The following RELN variants were observed in gnomAD, a reference collection of about 807,000 sequenced individuals.
RELN encodes the protein reelin.
RELN carries 108 observed loss-of-function variants against 427.6 expected under a neutral mutation model. The observed-to-expected ratio is 0.25, with a 90% confidence interval of 0.22 to 0.30. The LOEUF is 0.30. RELN is among the 10% of genes least tolerant of loss of function. RELN has a pLI of 1.00. For synonymous variants in RELN, 1,524 were observed against 1,513.4 expected (o/e 1.01, Z -0.16); for missense variants, 3,715 against 4,302.8 (o/e 0.86, Z 3.82).
At position 103,980,750 on chromosome 7, in the gene RELN, T is replaced by C. The variant is rs774764950; in HGVS notation, c.226+8381A>G. On this transcript the variant is annotated intron_variant, in intron 1 of 64. Coordinates refer to ENST00000428762, the MANE Select transcript of RELN (RefSeq NM_005045.4). The stretch of plus-strand genomic sequence containing the variant: ...GCCTGGCACATATTAAGTGCTACTT[T>C]AGGGTTTGCTATTGTCACTGTCATA... Among the ~76,000 whole-genome samples the C allele has an allele frequency of 9.8e-5, 15 of 152,348 alleles. 1 individual carries two copies. Among genetic ancestry groups the C allele is most frequent in the Admixed American group, 9.8e-4 (15 of 15,302 alleles).
intron 3 of RELN, among the ~76,000 whole-genome samples, chr7:103,830,523 GT>G (rs1015401882): frequency 6.6e-5 from 10 of 150,632 alleles, no homozygotes; most frequent in African/African-American, 1.5e-4. Context: ...CAGAAGCTGT[GT>G]TTTTTTTTAG....
chr7:103,770,552 C>G (rs1791541548), intron 4 of RELN, among the ~76,000 whole-genome samples: 1 of 152,134 alleles, frequency 6.6e-6, no homozygotes. Flanking sequence ...CTGCAAGGCA[C>G]TGGAAGCCTA....
At chr7:103,847,540 A>G (rs1401867493) in intron 2 of RELN, among the ~76,000 whole-genome samples, 2 of 152,226 alleles carry the variant, frequency 1.3e-5, no homozygotes, top group Non-Finnish European at 2.9e-5. Flanking sequence ...TGTCCTGCAC[A>G]TGTACCCCAT....
Position 103,596,634 on chromosome 7 carries a change from C to T in RELN, c.3361G>A (p.Asp1121Asn), listed in dbSNP as rs750133262. The stretch of plus-strand genomic sequence containing the variant: ...AAGTCCACCCAAGAAGTATCCAGGT[C>T]CCAACTCACCAGCTGTCTTTTCCCA... The part of the protein sequence containing the change: ...KAGKRQLVSW[D>N]LDTSWVDFVQ... The change falls in exon 25 of 65, where the codon GAC becomes AAC. Residue 1121 changes from aspartate to asparagine, a missense_variant. Around this residue, in one of 4 missense-constraint regions of RELN, gnomAD observed 2,208 missense variants for 2,361.7 expected, o/e 0.93. Transcript: ENST00000428762. 6 of 1,613,988 alleles carry T rather than the reference C, an allele frequency of 3.7e-6. No individual in the cohort carries two copies. In the South Asian group the frequency reaches 5.5e-5, roughly 15 times the overall value.
intron 2 of RELN, among the ~76,000 whole-genome samples, chr7:103,908,405 G>A (rs1490452070): frequency 6.6e-6 from 1 of 152,016 alleles, no homozygotes; most frequent in Non-Finnish European, 1.5e-5. Context: ...TTTATGAACT[G>A]GGCACCATGG....
intron 1 of RELN, among the ~76,000 whole-genome samples, chr7:103,936,745 C>CAG (rs890737674): frequency 0.01 from 372 of 36,196 alleles, 3 homozygotes; most frequent in African/African-American, 0.029. Context: ...GACAGACAGA[C>CAG]ACACACACAC....
rs756555684 is a variant in RELN at position 103,917,046 on chromosome 7, C to T, written c.337+29G>A. 3.9e-6 allele frequency: 6 copies of T among 1,529,722 alleles called. No individual in the cohort carries two copies. The African/African-American group carries it at 6.8e-5, about 17-fold the overall frequency. 94.8% of individuals were successfully genotyped at this position (1,529,722 alleles called of 1,614,324 possible). ...GACCTATGACTGTATAAAATACCCC[C>T]AAATTTCTGGTTTGTGAGAATAGCT... On this transcript the variant is annotated intron_variant, in intron 2 of 64. Transcript: ENST00000428762.
At chr7:103,731,093 T>C (rs1790341905) in intron 6 of RELN, among the ~76,000 whole-genome samples, 1 of 152,122 alleles carries the variant, frequency 6.6e-6, no homozygotes, top group South Asian at 2.1e-4. Flanking sequence ...ATGATAGCTA[T>C]TTACTGCATT....
intron 5 of RELN, among the ~76,000 whole-genome samples, chr7:103,752,336 G>A (rs919544689): frequency 6.6e-6 from 1 of 152,236 alleles, no homozygotes; most frequent in Non-Finnish European, 1.5e-5. Flanking sequence ...AGAACTGTGG[G>A]CCACTAAGAG....
intron 3 of RELN, among the ~76,000 whole-genome samples, chr7:103,826,317 A>C (rs1422817263): frequency 1.3e-5 from 1 of 76,484 alleles, no homozygotes; most frequent in Non-Finnish European, 3.2e-5. Context: ...ACAGACTAAG[A>C]CAATGTGTGT....
In RELN at chr7:103,890,016, TG is replaced by T. The variant is rs532460428; in HGVS notation, c.337+27058del. 4.1e-4 allele frequency among the ~76,000 whole-genome samples: 62 copies of T among 152,224 alleles called. 1 individual carries two copies. The highest frequency in any genetic ancestry group is 1.4e-3 in the African/African-American group (60 of 41,540). ...TCTTTTTTCAGTTCTGTGAACTTTT[TG>T]TTAATGCACCCCTCCTCTCTCACGT... On this transcript the variant is annotated intron_variant, in intron 2 of 64. Coordinates refer to ENST00000428762, the MANE Select transcript of RELN (RefSeq NM_005045.4).
chr7:103,677,872 T>C (rs1030527684), intron 11 of RELN, among the ~76,000 whole-genome samples: 1 of 151,012 alleles, frequency 6.6e-6, no homozygotes. Context: ...ATCCATGACC[T>C]GGAGCAATAA....
Position 103,835,693 on chromosome 7 carries a change from G to A in RELN, c.338-2021C>T, listed in dbSNP as rs113592779. 8.4e-3 allele frequency among the ~76,000 whole-genome samples: 1,282 copies of A among 152,226 alleles called. 16 individuals are homozygous for A. Among genetic ancestry groups the A allele is most frequent in the African/African-American group, 0.029 (1,192 of 41,540 alleles). ...AAATTTTAAATTTCTCTCATTTACT[G>A]GCTTTGTGACCTTGGACAAATGATT... On this transcript the variant is annotated intron_variant, in intron 2 of 64. Coordinates refer to ENST00000428762, the MANE Select transcript of RELN (RefSeq NM_005045.4).
chr7:103,733,148 T>G (rs976591800), intron 6 of RELN, among the ~76,000 whole-genome samples: 25 of 152,198 alleles, frequency 1.6e-4, no homozygotes, highest in Admixed American at 3.9e-4. Flanking sequence ...CAGACACTTC[T>G]TAAAAGAAGA....
chr7:103,497,962 C>A, intron 54 of RELN, 36 bp from the exon 55 acceptor site: 1 of 1,606,660 alleles, frequency 6.2e-7, no homozygotes, highest in African/African-American at 1.3e-5. Context: ...CAGAATAATT[C>A]ATTAGAACAA....
intron 4 of RELN, among the ~76,000 whole-genome samples, chr7:103,755,880 G>T (rs775836559): frequency 2.6e-4 from 39 of 149,364 alleles, no homozygotes; most frequent in South Asian, 4.2e-4. Flanking sequence ...TTGCAAAAGG[G>T]ATTCTCTGTA....
chr7:103,483,110 G>T, intron 62 of RELN, 139 bp from the exon 63 acceptor site: 1 of 744,356 alleles, frequency 1.3e-6, no homozygotes, highest in Non-Finnish European at 2.3e-6. Context: ...ATTTGCTTAG[G>T]TCATAGTATT....
At chr7:103,600,815 G>A (rs1333979216) in intron 24 of RELN, among the ~76,000 whole-genome samples, 1 of 152,180 alleles carries the variant, frequency 6.6e-6, no homozygotes, top group Non-Finnish European at 1.5e-5. Flanking sequence ...GGGCATAAAT[G>A]TGAAAATATT....
At chr7:103,494,393 G>GTGTGTGTGT (rs60783765) in intron 57 of RELN, among the ~76,000 whole-genome samples, 2 of 150,982 alleles carry the variant, frequency 1.3e-5, no homozygotes, top group African/African-American at 2.5e-5. Context: ...GTGTGTGTGT[G>GTGTGTGTGT]GGATATGGTC....
Sources: allele counts gnomAD v4.1 joint callset (sites outside exome capture counted in the v4.1 genomes callset), GRCh38; gene constraint gnomAD v4.1.1; regional missense constraint gnomAD v4.1.1; transcripts MANE v1.5; gene names NCBI Gene and HGNC (gene_info 2026-07-23, HGNC 2026-07-21).